PRR16: variants seen among roughly 807,000 people sequenced by gnomAD.
PRR16 encodes the protein proline rich 16.
In PRR16, 6 loss-of-function variants were observed where a neutral mutation model predicts 18.2. The ratio of observed to expected loss-of-function variants is 0.33; its 90% CI spans 0.18 to 0.65. The LOEUF is 0.65. PRR16 is among the 30% of genes least tolerant of loss of function. The pLI, the probability that PRR16 is intolerant of heterozygous loss-of-function variation, is 0.74. For missense variants in PRR16, 412 were observed against 376.6 expected (o/e 1.09, Z -0.78); for synonymous variants, 151 against 147.8 (o/e 1.02, Z -0.16).
chr5:120,533,125 C>T (rs1751604418), intron 1 of PRR16, among the ~76,000 whole-genome samples: 1 of 152,180 alleles, frequency 6.6e-6, no homozygotes, highest in East Asian at 1.9e-4. Flanking sequence ...ACCCTGTAAT[C>T]CATTGTTCCT....
chr5:120,607,314 A>G (rs1353666743), intron 1 of PRR16, among the ~76,000 whole-genome samples: 1 of 151,970 alleles, frequency 6.6e-6, no homozygotes, highest in Non-Finnish European at 1.5e-5. Context: ...TTTTTTATAT[A>G]CTCTGTTTCA....
chr5:120,629,844 A>C (rs933371544), intron 1 of PRR16, among the ~76,000 whole-genome samples: 3 of 152,010 alleles, frequency 2.0e-5, no homozygotes, highest in Non-Finnish European at 4.4e-5. Context: ...TCTGCATTTT[A>C]AAAATATTAA....
At chr5:120,466,939 T>C (rs1436544570) in intron 1 of PRR16, among the ~76,000 whole-genome samples, 1 of 152,100 alleles carries the variant, frequency 6.6e-6, no homozygotes, top group Non-Finnish European at 1.5e-5. Flanking sequence ...CACAAGAAAA[T>C]GTACCTACAA....
chr5:120,486,644 A>C (rs1749810831), intron 1 of PRR16, among the ~76,000 whole-genome samples: 1 of 152,042 alleles, frequency 6.6e-6, no homozygotes, highest in Non-Finnish European at 1.5e-5. Context: ...GAAGCTCTTT[A>C]GTTTAATTAG....
intron 1 of PRR16, among the ~76,000 whole-genome samples, chr5:120,669,482 T>C (rs536083717): frequency 1.9e-4 from 29 of 152,222 alleles, no homozygotes; most frequent in African/African-American, 6.0e-4. Context: ...AAATGTGTTA[T>C]TAGAATAGGT....
Position 120,686,250 on chromosome 5 carries a change from C to T in PRR16, c.456C>T (p.Thr152=). ...CCAATCCTGTAAAAACCAATGGCAC[C>T]CTTCTACGAAATGGAGGCTTACCAG... ...PTANPVKTNG[T]LLRNGGLPGG... The change falls in exon 2 of 2, where the codon ACC becomes ACT. Residue 152 remains threonine (T), a synonymous_variant. Coordinates refer to ENST00000407149, the MANE Select transcript of PRR16 (RefSeq NM_001300783.2). The T allele has an allele frequency of 4.3e-6, 7 of 1,614,034 alleles. No individual in the cohort carries two copies. The highest frequency in any genetic ancestry group is 5.9e-6 in the Non-Finnish European group (7 of 1,180,004).
intron 1 of PRR16, chr5:120,617,120 C>A (rs776182181): frequency 2.8e-5 from 28 of 985,180 alleles, no homozygotes; most frequent in South Asian, 4.7e-5. Context: ...CTCCCACCTC[C>A]CCACATGATG....
downstream of PRR16, among the ~76,000 whole-genome samples, chr5:120,691,497 C>G (rs1027006451): frequency 5.9e-5 from 9 of 152,008 alleles, no homozygotes; most frequent in Non-Finnish European, 1.3e-4. Flanking sequence ...TATTTTGGAT[C>G]TTTTCCCTAA....
At chr5:120,595,898 C>T (rs990111597) in intron 1 of PRR16, among the ~76,000 whole-genome samples, 1 of 151,808 alleles carries the variant, frequency 6.6e-6, no homozygotes, top group Non-Finnish European at 1.5e-5. Context: ...GTATTTCTAT[C>T]GTTAAAATTA....
Position 120,686,344 on chromosome 5 carries a change from G to A in PRR16, c.550G>A (p.Val184Ile), listed in dbSNP as rs1328951644. 15 of 1,614,048 alleles carry A rather than the reference G, an allele frequency of 9.3e-6. No homozygotes were observed. The highest frequency in any genetic ancestry group is 2.2e-5 in the East Asian group (1 of 44,882). The change falls in exon 2 of 2, where the codon GTC (valine) becomes ATC (isoleucine). Residue 184 changes from valine (V) to isoleucine (I), a missense_variant. Val to Ile is a conservative substitution (Grantham distance 29, BLOSUM62 3). Transcript: ENST00000407149. ...IPNSNLDKAP[V>I]QLLMHRPEKD... Reference sequence around the variant, plus strand: ...CAACAGTAACTTGGACAAGGCTCCAGTCCAGCTTCTGATGCATAGACCTGA... The same window carrying A: ...CAACAGTAACTTGGACAAGGCTCCAATCCAGCTTCTGATGCATAGACCTGA...
chr5:120,606,371 A>T (rs1214644659), intron 1 of PRR16, among the ~76,000 whole-genome samples: 2 of 151,676 alleles, frequency 1.3e-5, no homozygotes, highest in Non-Finnish European at 2.9e-5. Flanking sequence ...CCCACACATT[A>T]GTCATTTATA....
the PRR16 span, among the ~76,000 whole-genome samples, chr5:120,781,059 A>G: frequency 6.6e-6 from 1 of 152,164 alleles, no homozygotes; most frequent in African/African-American, 2.4e-5. Flanking sequence ...AGAAATATCT[A>G]TGTATCTATC....
chr5:120,770,373 T>C, the PRR16 span, among the ~76,000 whole-genome samples: 10 of 151,966 alleles, frequency 6.6e-5, no homozygotes, highest in Admixed American at 2.0e-4. Flanking sequence ...TATCCACATA[T>C]AGAAGAAGGC....
At chr5:120,563,329 A>G (rs1752634206) in intron 1 of PRR16, among the ~76,000 whole-genome samples, 2 of 152,162 alleles carry the variant, frequency 1.3e-5, no homozygotes, top group Admixed American at 6.5e-5. Flanking sequence ...TCCCTTCAAG[A>G]TGGCCAGATC....
the PRR16 span, among the ~76,000 whole-genome samples, chr5:120,725,522 C>T: frequency 2.6e-5 from 4 of 151,878 alleles, no homozygotes; most frequent in Non-Finnish European, 5.9e-5. Flanking sequence ...CACACCCACA[C>T]TCACACATGT....
rs1754455874 is a variant in PRR16 at position 120,614,905 on chromosome 5, T to A, written c.160-71049T>A. ...GCTATAGCAGCTTGCTCTGCTGCTG[T>A]ATTGCCCGGAGAATATCTGACACTG... On this transcript the variant is annotated intron_variant, in intron 1 of 1. Transcript: ENST00000407149. Among the ~76,000 whole-genome samples, 3 of 152,292 alleles carry A rather than the reference T, an allele frequency of 2.0e-5. No individual in the cohort carries two copies. The South Asian group carries it at 6.2e-4, about 32-fold the overall frequency.
chr5:120,608,816 C>G lies in PRR16; in HGVS notation c.160-77138C>G, dbSNP rs559673498. Reference sequence around the variant, plus strand: ...CAGGTTCTATTTGTATTTTGACCTTCGAAAATAAGCTGGGATTAACCTATT... The same window carrying G: ...CAGGTTCTATTTGTATTTTGACCTTGGAAAATAAGCTGGGATTAACCTATT... On this transcript the variant is annotated intron_variant, in intron 1 of 1. Coordinates refer to ENST00000407149, the MANE Select transcript of PRR16 (RefSeq NM_001300783.2). 4.1e-4 allele frequency among the ~76,000 whole-genome samples: 63 copies of G among 152,164 alleles called. No individual in the cohort carries two copies. In the South Asian group the frequency reaches 0.013, roughly 32 times the overall value.
intron 1 of PRR16, among the ~76,000 whole-genome samples, chr5:120,486,628 T>C (rs972006841): frequency 6.6e-6 from 1 of 152,336 alleles, no homozygotes; most frequent in South Asian, 2.1e-4. Flanking sequence ...TTTCTTTTGC[T>C]GTGCAGAAGC....
downstream of PRR16, among the ~76,000 whole-genome samples, chr5:120,688,011 G>T (rs1757167503): frequency 6.6e-6 from 1 of 152,154 alleles, no homozygotes; most frequent in African/African-American, 2.4e-5. Flanking sequence ...AGAGTAGAGG[G>T]AGTCATCTTT....
Sources: gnomAD v4.1 joint callset for allele counts (sites outside exome capture counted in the v4.1 genomes callset) on GRCh38, gnomAD v4.1.1 for gene constraint, MANE v1.5 for transcripts, NCBI Gene and HGNC (gene_info 2026-07-23, HGNC 2026-07-21) for gene names.